Variants in CCBE1 observed in about 807,000 individuals in gnomAD.
The protein encoded by CCBE1 is collagen and calcium binding EGF domains 1, also known as collagen and calcium-binding EGF domain-containing protein 1.
Under a neutral mutation model 50.0 loss-of-function variants are expected in CCBE1, and 37 were observed. The ratio of observed to expected loss-of-function variants is 0.74; its 90% CI spans 0.57 to 0.97. The LOEUF (loss-of-function observed/expected upper bound fraction) is 0.97. CCBE1 is among the 50% of genes least tolerant of loss of function. The pLI is 0.00. For synonymous variants in CCBE1, 234 were observed against 203.7 expected (o/e 1.15, Z -1.27); for missense variants, 538 against 523.8 (o/e 1.03, Z -0.26).
In CCBE1 at chr18:59,439,758, C is replaced by T; in HGVS notation, c.834G>A (p.Gln278=). Residue 278 remains glutamine (Q), a synonymous_variant, in exon 8 of 11, where the codon CAG becomes CAA. Transcript: ENST00000439986. ...GTCCCATTGAGCCCCGTGGGCCGGG[C>T]TGCCCAGGAGGGCCTGGCATACCGG... is the stretch of plus-strand genomic sequence containing the variant. ...GFPGMPGPPG[Q]PGPRGSMGPM... The T allele has an allele frequency of 6.2e-7, 1 of 1,614,230 alleles. No homozygotes were observed. The highest frequency in any genetic ancestry group is 1.1e-5 in the South Asian group (1 of 91,088).
intron 2 of CCBE1, among the ~76,000 whole-genome samples, chr18:59,525,775 G>A (rs528554267): frequency 1.3e-5 from 2 of 152,168 alleles, no homozygotes; most frequent in Non-Finnish European, 2.9e-5. Context: ...TGTTTAAGGT[G>A]TAATGAAGGG....
At chr18:59,479,045 C>G (rs977439191) in intron 3 of CCBE1, among the ~76,000 whole-genome samples, 1 of 152,218 alleles carries the variant, frequency 6.6e-6, no homozygotes, top group Non-Finnish European at 1.5e-5. Flanking sequence ...AGGGATTCAT[C>G]TGTTTCTAAC....
intron 2 of CCBE1, among the ~76,000 whole-genome samples, chr18:59,570,835 G>A (rs1312386793): frequency 6.6e-6 from 1 of 152,166 alleles, no homozygotes; most frequent in Admixed American, 6.5e-5. Context: ...CAGGAGAGCC[G>A]GACGTCCCCT....
intron 2 of CCBE1, among the ~76,000 whole-genome samples, chr18:59,533,160 A>C (rs1171608631): frequency 6.6e-6 from 1 of 152,232 alleles, no homozygotes; most frequent in Admixed American, 6.5e-5. Context: ...CTTTAGAAAC[A>C]AAACAAAGTA....
intron 2 of CCBE1, among the ~76,000 whole-genome samples, chr18:59,528,193 T>C (rs1447711755): frequency 1.3e-5 from 2 of 152,240 alleles, no homozygotes; most frequent in African/African-American, 2.4e-5. Context: ...TTCTTTTCTG[T>C]CTGATCTTGT....
At chr18:59,566,443 TA>T (rs148890873) in intron 2 of CCBE1, among the ~76,000 whole-genome samples, 113 of 148,236 alleles carry the variant, frequency 7.6e-4, no homozygotes, top group African/African-American at 2.5e-3. Flanking sequence ...GAAGCAAAAA[TA>T]AAAAAAAAAT....
At chr18:59,518,668 C>G (rs1914475010) in intron 2 of CCBE1, among the ~76,000 whole-genome samples, 1 of 152,148 alleles carries the variant, frequency 6.6e-6, no homozygotes, top group African/African-American at 2.4e-5. Context: ...CATTAAGTTA[C>G]AAGGAGATGC....
chr18:59,528,908 A>G (rs1191782101), intron 2 of CCBE1, among the ~76,000 whole-genome samples: 1 of 151,988 alleles, frequency 6.6e-6, no homozygotes, highest in Non-Finnish European at 1.5e-5. Context: ...GTATCTTGTG[A>G]CCTCTGTTGG....
chr18:59,438,016 G>T (rs1390440761), intron 10 of CCBE1, 95 bp downstream of exon 10: 2 of 1,197,532 alleles, frequency 1.7e-6, no homozygotes, highest in Non-Finnish European at 2.5e-6. Context: ...ATCAGGAAGG[G>T]GCGGGCTTTT....
At chr18:59,682,879 A>C (rs2054609756) in intron 2 of CCBE1, among the ~76,000 whole-genome samples, 1 of 152,242 alleles carries the variant, frequency 6.6e-6, no homozygotes, top group Non-Finnish European at 1.5e-5. Flanking sequence ...CAAGGTAAAT[A>C]AAGTCTTAAA....
chr18:59,597,049 C>T (rs537777487), intron 2 of CCBE1, among the ~76,000 whole-genome samples: 27 of 152,346 alleles, frequency 1.8e-4, no homozygotes, highest in African/African-American at 6.3e-4. Context: ...CTTCCACATG[C>T]ATTTAATCTT....
intron 2 of CCBE1, among the ~76,000 whole-genome samples, chr18:59,498,692 T>C (rs1913471053): frequency 6.6e-6 from 1 of 152,218 alleles, no homozygotes; most frequent in Non-Finnish European, 1.5e-5. Context: ...AGTGCATAAT[T>C]CATTTTCCGT....
chr18:59,587,068 C>T (rs1330215602), intron 2 of CCBE1, among the ~76,000 whole-genome samples: 6 of 152,142 alleles, frequency 3.9e-5, no homozygotes, highest in African/African-American at 1.4e-4. Context: ...AACTGGTGAA[C>T]ATGAAGGAAG....
chr18:59,476,816 G>A (rs1056726063), intron 3 of CCBE1, among the ~76,000 whole-genome samples: 1 of 152,182 alleles, frequency 6.6e-6, no homozygotes, highest in South Asian at 2.1e-4. Context: ...CTGGAGTCAG[G>A]TTCACCAGGA....
chr18:59,630,946 C>T (rs2053841773), intron 2 of CCBE1, among the ~76,000 whole-genome samples: 1 of 152,186 alleles, frequency 6.6e-6, no homozygotes, highest in South Asian at 2.1e-4. Flanking sequence ...ACATGGCTTG[C>T]AATGAGTGAA....
rs778997175 is a variant in CCBE1, at chr18:59,480,251, C to CA, written c.213-14dup. The CA allele has an allele frequency of 3.8e-6, 6 of 1,560,250 alleles. No individual in the cohort carries two copies. In the East Asian group the frequency reaches 1.4e-4, roughly 35 times the overall value. Reference sequence around the variant, plus strand: ...GCAGCACTTTTTCCTAAGAGACAAACAAACATTTAAAATATAATAATTAGG... The same window carrying CA: ...GCAGCACTTTTTCCTAAGAGACAAACAAAACATTTAAAATATAATAATTAGG... On this transcript the variant is annotated splice_polypyrimidine_tract_variant and intron_variant, in intron 2 of 10. Transcript: ENST00000439986.
intron 2 of CCBE1, among the ~76,000 whole-genome samples, chr18:59,506,416 C>T (rs1487374512): frequency 6.6e-6 from 1 of 152,130 alleles, no homozygotes; most frequent in East Asian, 1.9e-4. Flanking sequence ...CAGTTTGTGG[C>T]CATTTGTTAT....
intron 2 of CCBE1, among the ~76,000 whole-genome samples, chr18:59,595,665 A>T (rs1405056115): frequency 1.3e-5 from 2 of 152,244 alleles, no homozygotes; most frequent in Non-Finnish European, 2.9e-5. Context: ...TTATCAAATA[A>T]CTTTAAAAGG....
At position 59,435,835 on chromosome 18, in the gene CCBE1, T is replaced by C; in HGVS notation, c.*73A>G. On this transcript the variant is annotated 3_prime_UTR_variant, in exon 11 of 11. Coordinates refer to ENST00000439986, the MANE Select transcript of CCBE1 (RefSeq NM_133459.4). The stretch of plus-strand genomic sequence containing the variant: ...TGTTTTCTAGGTCTCCAGTGGTCTT[T>C]CTTCTCTTTAGATGGTTTAACTGCA... 1 of 1,344,928 alleles carries C rather than the reference T, an allele frequency of 7.4e-7. No individual in the cohort carries two copies. Among genetic ancestry groups the C allele is most frequent in the Non-Finnish European group, 1.1e-6 (1 of 934,610 alleles). The allele number at this position is 1,344,928 out of a possible 1,614,324, so 83.3% of individuals were successfully genotyped here.
Sources: gnomAD v4.1 joint callset for allele counts (sites outside exome capture counted in the v4.1 genomes callset) on GRCh38, gnomAD v4.1.1 for gene constraint, MANE v1.5 for transcripts, NCBI Gene and HGNC (gene_info 2026-07-23, HGNC 2026-07-21) for gene names.